The following C2 variants were observed in gnomAD, a reference collection of about 807,000 sequenced individuals.
C2 encodes the protein complement C2.
In C2, 64 loss-of-function variants were observed where a neutral mutation model predicts 85.2. That is an observed-to-expected ratio of 0.75 (90% CI 0.61 to 0.92). C2 has a LOEUF of 0.92. Ranked by LOEUF, C2 falls within the 40% of genes least tolerant of loss-of-function variation. The pLI is 0.00. For missense variants in C2, 820 were observed against 971.6 expected, an observed-to-expected ratio of 0.84 and a Z score of 2.07; for synonymous variants, 311 against 370.8, an observed-to-expected ratio of 0.84 and a Z score of 1.85.
chr6:31,945,255 T>C lies in C2; in HGVS notation c.2157T>C (p.Arg719=). Residue 719 remains arginine (R), a synonymous_variant, in exon 18 of 18, where the codon CGT becomes CGC. Transcript: ENST00000299367. The surrounding 1 kb of genome is among the most constrained non-coding windows in gnomAD (Gnocchi z 5.3). ...AAAACTCCCGCAAAAGGGCCCCTCG[T>C]AGCAAGGTCCCGCCGCCACGAGACT... ...ADKNSRKRAP[R]SKVPPPRDFH... 6.2e-7 allele frequency: 1 copy of C among 1,612,964 alleles called. No homozygotes were observed. The highest frequency in any genetic ancestry group is 1.3e-5 in the African/African-American group (1 of 74,996).
chr6:31,928,947 G>T, intron 3 of C2, 30 bp downstream of exon 3: 2 of 1,585,482 alleles, frequency 1.3e-6, no homozygotes, highest in Non-Finnish European at 1.7e-6. Context: ...GGCTACACAG[G>T]GGGCTGGGGT....
rs750689314 is a variant in C2, at chr6:31,935,941, A to G, written c.868A>G (p.Asn290Asp). Residue 290 changes from asparagine (N) to aspartate (D), a missense_variant, in exon 7 of 18, where the codon AAT (asparagine) becomes GAT (aspartate). By Grantham distance (23) the Asn-to-Asp change is conservative. Coordinates refer to ENST00000299367, the MANE Select transcript of C2 (RefSeq NM_000063.6). The surrounding 1 kb of genome is among the most constrained non-coding windows in gnomAD (Gnocchi z 4.3). ...MVDRIFSFEI[N>D]VSVAIITFAS... Reference sequence around the variant, plus strand: ...CGCACAGATCTTCAGCTTTGAGATCAATGTGAGCGTTGCCATTATCACCTT... The same window carrying G: ...CGCACAGATCTTCAGCTTTGAGATCGATGTGAGCGTTGCCATTATCACCTT... The G allele has an allele frequency of 2.5e-6, 4 of 1,612,838 alleles. No individual in the cohort carries two copies. Among genetic ancestry groups the G allele is most frequent in the Non-Finnish European group, 3.4e-6 (4 of 1,180,004 alleles).
chr6:31,920,652 A>G lies in C2; in HGVS notation c.-100+626A>G, dbSNP rs140494465. Among the ~76,000 whole-genome samples, 80 of 152,282 alleles carry G rather than the reference A, an allele frequency of 5.3e-4. No individual in the cohort carries two copies. Among genetic ancestry groups the G allele is most frequent in the Admixed American group, 8.5e-4 (13 of 15,280 alleles). ...CCATGCCCCCCACCAGCCCAAGGAC[A>G]GTGGAGACCTCAGAGGGCTGAGGTA... is the stretch of plus-strand genomic sequence containing the variant. On this transcript the variant is annotated intron_variant, in intron 1 of 3. Transcript: ENST00000413154. This position sits in a 1 kb window ranked among gnomAD's most constrained non-coding sequence, Gnocchi z 5.6.
At position 31,940,189 on chromosome 6, in the gene C2, G is replaced by A. The variant is rs9332725; in HGVS notation, c.1219+869G>A. ...GGCAGTTTCTTCATCTGCAAAAGGG[G>A]AGTAGTACTAGGACCCAGCTCACAA... On this transcript the variant is annotated intron_variant, in intron 9 of 17. Coordinates refer to ENST00000299367, the MANE Select transcript of C2 (RefSeq NM_000063.6). Among the ~76,000 whole-genome samples the A allele has an allele frequency of 2.5e-3, 386 of 152,328 alleles. 3 individuals are homozygous for A. Among genetic ancestry groups the A allele is most frequent in the African/African-American group, 8.9e-3 (371 of 41,560 alleles).
rs1044967494 is a variant in C2 at position 31,920,635 on chromosome 6, C to G, written c.-100+609C>G. On this transcript the variant is annotated intron_variant, in intron 1 of 3. Coordinates refer to the C2 transcript ENST00000413154. The surrounding 1 kb of genome is among the most constrained non-coding windows in gnomAD (Gnocchi z 5.6). ...GTGGGTGATAACATGCACCATGCCC[C>G]CCACCAGCCCAAGGACAGTGGAGAC... Among the ~76,000 whole-genome samples, 3 of 152,274 alleles carry G rather than the reference C, an allele frequency of 2.0e-5. No individual in the cohort carries two copies. The South Asian group carries it at 6.2e-4, about 32-fold the overall frequency.
chr6:31,944,709 G>T lies in C2; in HGVS notation c.1903-18G>T. On this transcript the variant is annotated intron_variant, in intron 15 of 17. Transcript: ENST00000299367. This position sits in a 1 kb window ranked among gnomAD's most constrained non-coding sequence, Gnocchi z 5.1. ...TCTGCTTATTCTACCCTTCTCTCTG[G>T]TTCCACCCCTGCTGCAGTGGACAAG... The T allele has an allele frequency of 6.2e-7, 1 of 1,612,936 alleles. No homozygotes were observed. Among genetic ancestry groups the T allele is most frequent in the African/African-American group, 1.3e-5 (1 of 75,036 alleles).
chr6:31,916,316 T>C (rs1768497661), upstream of C2, among the ~76,000 whole-genome samples: 3 of 152,080 alleles, frequency 2.0e-5, no homozygotes, highest in South Asian at 6.2e-4. Flanking sequence ...CCCAGCACTT[T>C]GGGAGGCTGA....
rs903329492 is a variant in C2 at position 31,933,785 on chromosome 6, T to G, written c.616+2T>G. The stretch of plus-strand genomic sequence containing the variant: ...GTGGAACGGAGCCCATCTGCCGCCG[T>G]GAGTAGCTGCCCTGCCCTCCTGAGA... On this transcript the variant is annotated splice_donor_variant, in intron 4 of 17. Coordinates refer to ENST00000299367, the MANE Select transcript of C2 (RefSeq NM_000063.6). LOFTEE classifies it high-confidence loss of function. 3 of 1,613,648 alleles carry G rather than the reference T, an allele frequency of 1.9e-6. No homozygotes were observed. Among genetic ancestry groups the G allele is most frequent in the Non-Finnish European group, 2.5e-6 (3 of 1,180,016 alleles).
chr6:31,904,343 TG>T lies in C2; in HGVS notation c.73+3205del, dbSNP rs1206370431. Among the ~76,000 whole-genome samples, 1 of 152,112 alleles carries T rather than the reference TG, an allele frequency of 6.6e-6. No individual in the cohort carries two copies. Among genetic ancestry groups the T allele is most frequent in the Non-Finnish European group, 1.5e-5 (1 of 68,032 alleles). On this transcript the variant is annotated intron_variant, in intron 1 of 3. Coordinates refer to the C2 transcript ENST00000452202. The surrounding 1 kb of genome is among the most constrained non-coding windows in gnomAD (Gnocchi z 4.4). ...TAATTAATTTATTTAGCTGGAGTTT[TG>T]CTCTTGTCACCCAGGCTGGAGTGCA...
chr6:31,940,666 C>T (rs766743997), intron 9 of C2, among the ~76,000 whole-genome samples: 1 of 152,174 alleles, frequency 6.6e-6, no homozygotes, highest in African/African-American at 2.4e-5. Context: ...AAAACTCTGG[C>T]CCAAGGAAGA....
chr6:31,943,437 C>G lies in C2; in HGVS notation c.1477C>G (p.Arg493Gly). Residue 493 changes from arginine (R) to glycine (G), a missense_variant, in exon 12 of 18, where the codon CGG (arginine) becomes GGG (glycine). Physicochemically the swap from Arg to Gly is moderately radical, Grantham distance 125. Coordinates refer to ENST00000299367, the MANE Select transcript of C2 (RefSeq NM_000063.6). The surrounding 1 kb of genome is among the most constrained non-coding windows in gnomAD (Gnocchi z 6.4). ...TIKPKSQETC[R>G]GALISDQWVL... ...GCAGCCCAAGAGCCAAGAGACCTGC[C>G]GGGGGGCCCTCATCTCCGACCAATG... is the stretch of plus-strand genomic sequence containing the variant. The G allele has an allele frequency of 6.2e-7, 1 of 1,613,006 alleles. No individual in the cohort carries two copies. Among genetic ancestry groups the G allele is most frequent in the Non-Finnish European group, 8.5e-7 (1 of 1,180,012 alleles).
At chr6:31,906,099 CTTACA>C in intron 1 of C2, among the ~76,000 whole-genome samples, 1 of 152,136 alleles carries the variant, frequency 6.6e-6, no homozygotes, top group South Asian at 2.1e-4. Context: ...ATGAAACTGT[CTTACA>C]TTACAACAAA....
At chr6:31,931,837 C>G (rs1161319996) in intron 3 of C2, among the ~76,000 whole-genome samples, 4 of 151,796 alleles carry the variant, frequency 2.6e-5, no homozygotes, top group Non-Finnish European at 5.9e-5. Context: ...CCAGTAGGCG[C>G]GGCCGGGCAG....
At chr6:31,909,310 A>T (rs550854030) in intron 1 of C2, among the ~76,000 whole-genome samples, 21 of 150,812 alleles carry the variant, frequency 1.4e-4, no homozygotes, top group South Asian at 2.1e-4. Flanking sequence ...TATTATTATT[A>T]TTTTTTTTTA....
upstream of C2, among the ~76,000 whole-genome samples, chr6:31,924,091 C>T (rs1008641323): frequency 3.3e-5 from 5 of 152,216 alleles, no homozygotes; most frequent in African/African-American, 7.2e-5. Flanking sequence ...TGAACCACCG[C>T]GCCCGGCCTC....
At chr6:31,927,557 AG>A, upstream of C2, 1 of 1,505,496 alleles carries the variant, frequency 6.6e-7, no homozygotes. The surrounding 1 kb of genome is among the most constrained non-coding windows in gnomAD (Gnocchi z 4.7). Context: ...GACAGGGCAA[AG>A]GTTTCACCCT....
intron 3 of C2, chr6:31,932,511 G>A: frequency 8.7e-6 from 2 of 229,064 alleles, no homozygotes; most frequent in South Asian, 7.8e-5. Flanking sequence ...CCACATCTCA[G>A]ACGATGGGCG....
upstream of C2, chr6:31,900,802 G>A (rs763792558): frequency 6.3e-7 from 1 of 1,599,900 alleles, no homozygotes; most frequent in Non-Finnish European, 8.5e-7. This position sits in a 1 kb window ranked among gnomAD's most constrained non-coding sequence, Gnocchi z 9.7. Flanking sequence ...GAGGAGGTGG[G>A]GGTGGGGGCT....
chr6:31,928,784 G>A lies in C2; in HGVS notation c.309G>A (p.Arg103=). The part of the protein sequence containing the change: ...VSFENGIYTP[R]LGSYPVGGNV... The stretch of plus-strand genomic sequence containing the variant: ...TTGAGAATGGCATTTATACCCCACG[G>A]CTGGGGTCCTATCCCGTGGGTGGCA... The change falls in exon 3 of 18, where the codon CGG becomes CGA. Residue 103 remains arginine, a synonymous_variant. Coordinates refer to ENST00000299367, the MANE Select transcript of C2 (RefSeq NM_000063.6). 6.2e-7 allele frequency: 1 copy of A among 1,614,166 alleles called. No individual in the cohort carries two copies. The highest frequency in any genetic ancestry group is 8.5e-7 in the Non-Finnish European group (1 of 1,180,002).
Sources: gnomAD v4.1 joint callset for allele counts (sites outside exome capture counted in the v4.1 genomes callset) on GRCh38, gnomAD v4.1.1 for gene constraint, Gnocchi (gnomAD v3.1) non-coding constraint, MANE v1.5 for transcripts, NCBI Gene and HGNC (gene_info 2026-07-23, HGNC 2026-07-21) for gene names.